Variants in CHODL observed in about 807,000 individuals in gnomAD.
CHODL encodes the protein chondrolectin, also known as transmembrane protein MT75.
CHODL carries 29 observed loss-of-function variants against 34.5 expected under a neutral mutation model. That is an observed-to-expected ratio of 0.84 (90% CI 0.63 to 1.15). CHODL has a LOEUF of 1.15. Among genes scored for constraint, CHODL ranks in the 50% most tolerant of loss-of-function variants. The probability of loss-of-function intolerance (pLI) is 0.00; values close to 1 mark genes in which losing one functional copy is unlikely to be tolerated. For missense variants in CHODL, 332 were observed against 332.5 expected (o/e 1.00, Z 0.01); for synonymous variants, 125 against 116.1 (o/e 1.08, Z -0.49).
chr21:18,202,338 T>C (rs990903202), intron 2 of CHODL, among the ~76,000 whole-genome samples: 1 of 152,176 alleles, frequency 6.6e-6, no homozygotes, highest in East Asian at 1.9e-4. Flanking sequence ...TAGTGTGCTG[T>C]ATTTGGAGTA....
intron 1 of CHODL, among the ~76,000 whole-genome samples, chr21:17,983,215 A>G (rs985488747): frequency 6.6e-6 from 1 of 152,186 alleles, no homozygotes; most frequent in Non-Finnish European, 1.5e-5. Flanking sequence ...CATAAAATCA[A>G]TATTAAATTT....
intron 2 of CHODL, among the ~76,000 whole-genome samples, chr21:18,085,612 G>A (rs1005661382): frequency 1.3e-5 from 2 of 152,016 alleles, no homozygotes; most frequent in African/African-American, 4.8e-5. Context: ...CATTTATGAA[G>A]CTTTATTTGG....
At chr21:17,964,588 G>A (rs1342353888) in intron 1 of CHODL, among the ~76,000 whole-genome samples, 1 of 152,132 alleles carries the variant, frequency 6.6e-6, no homozygotes, top group African/African-American at 2.4e-5. Context: ...TTCAGTATTT[G>A]TTTTAGAAAG....
intron 1 of CHODL, among the ~76,000 whole-genome samples, chr21:17,946,044 T>C (rs2146336342): frequency 6.6e-6 from 1 of 152,240 alleles, no homozygotes; most frequent in African/African-American, 2.4e-5. Flanking sequence ...GCAAGGTTGT[T>C]GAATTCAAGT....
intron 1 of CHODL, among the ~76,000 whole-genome samples, chr21:17,969,330 A>G (rs2063596322): frequency 6.6e-6 from 1 of 152,226 alleles, no homozygotes; most frequent in African/African-American, 2.4e-5. Flanking sequence ...TTTTTGACAC[A>G]AGGAGGGAAT....
intron 2 of CHODL, among the ~76,000 whole-genome samples, chr21:18,138,671 T>C (rs1300898699): frequency 3.3e-5 from 5 of 152,204 alleles, no homozygotes; most frequent in African/African-American, 1.2e-4. Context: ...GGTCAGCATT[T>C]TTGTTCCTGC....
At chr21:17,953,204 T>C (rs1407861750) in intron 1 of CHODL, among the ~76,000 whole-genome samples, 1 of 152,226 alleles carries the variant, frequency 6.6e-6, no homozygotes, top group African/African-American at 2.4e-5. Context: ...GTAAATAATA[T>C]TCACTAAGTA....
chr21:18,243,744 A>T (rs1384677365), upstream of CHODL, among the ~76,000 whole-genome samples: 1 of 152,094 alleles, frequency 6.6e-6, no homozygotes, highest in East Asian at 1.9e-4. Flanking sequence ...AAAATTTCTG[A>T]TTCTGGAAGA....
At chr21:18,016,643 C>A (rs1353694449) in intron 1 of CHODL, among the ~76,000 whole-genome samples, 3 of 152,172 alleles carry the variant, frequency 2.0e-5, no homozygotes. Flanking sequence ...TTCACTGGGA[C>A]ACTGCCTAGT....
intron 2 of CHODL, among the ~76,000 whole-genome samples, chr21:18,190,977 C>T (rs2073504104): frequency 6.6e-6 from 1 of 152,130 alleles, no homozygotes; most frequent in Non-Finnish European, 1.5e-5. Flanking sequence ...TACATCAGTA[C>T]AAATGGTAGG....
At chr21:17,917,876 C>T (rs908410858) in intron 1 of CHODL, among the ~76,000 whole-genome samples, 10 of 150,824 alleles carry the variant, frequency 6.6e-5, no homozygotes, top group Middle Eastern at 3.4e-3. Context: ...CTCTGATATG[C>T]GTGTGTGTGT....
chr21:17,940,844 T>C (rs569081817), intron 1 of CHODL, among the ~76,000 whole-genome samples: 112 of 152,318 alleles, frequency 7.4e-4, no homozygotes, highest in Non-Finnish European at 1.3e-3. Context: ...CACTGTCAGA[T>C]TCTTGAAACT....
chr21:18,135,328 C>T (rs940347460), intron 2 of CHODL, among the ~76,000 whole-genome samples: 4 of 152,058 alleles, frequency 2.6e-5, no homozygotes, highest in Non-Finnish European at 5.9e-5. Context: ...TTCAGGTTCC[C>T]TACTATGAGT....
At chr21:17,942,842 C>A (rs573164783) in intron 1 of CHODL, among the ~76,000 whole-genome samples, 2 of 152,088 alleles carry the variant, frequency 1.3e-5, no homozygotes, top group Non-Finnish European at 2.9e-5. Flanking sequence ...AGGAGGGACC[C>A]GGTAGAAGGT....
chr21:18,163,494 C>A lies in CHODL; in HGVS notation c.-44-93015C>A, dbSNP rs894623066. ...ACAGTTCTCATATTTGACAGGGAAG[C>A]TCTTTTTGTTTTGAGGAAGATATAG... On this transcript the variant is annotated intron_variant, in intron 2 of 6. Transcript: ENST00000400127. 2.6e-5 allele frequency among the ~76,000 whole-genome samples: 4 copies of A among 152,158 alleles called. No individual in the cohort carries two copies. The East Asian group carries it at 7.7e-4, about 29-fold the overall frequency.
intron 1 of CHODL, among the ~76,000 whole-genome samples, chr21:17,938,393 G>GATATAT (rs57915061): frequency 7.7e-5 from 11 of 143,662 alleles, no homozygotes; most frequent in Non-Finnish European, 1.2e-4. Flanking sequence ...CATATATATA[G>GATATAT]ATATATATAT....
In CHODL at chr21:18,193,696, A is replaced by AG. The variant is rs1405318317; in HGVS notation, c.-44-62812dup. Reference sequence around the variant, plus strand: ...GGGCAACAGAGCAAGACTCTGTCTCAGAAAAAAAAAAAAATAAAATAAATA... The same window carrying AG: ...GGGCAACAGAGCAAGACTCTGTCTCAGGAAAAAAAAAAAAATAAAATAAATA... On this transcript the variant is annotated intron_variant, in intron 2 of 6. Coordinates refer to the CHODL transcript ENST00000400127. Among the ~76,000 whole-genome samples, 567 of 140,184 alleles carry AG rather than the reference A, an allele frequency of 4.0e-3. 5 individuals carry two copies. The highest frequency in any genetic ancestry group is 0.016 in the African/African-American group (541 of 34,444). The allele number at this position is 140,184 out of a possible 152,430, so 92.0% of individuals were successfully genotyped here.
chr21:18,044,863 A>G (rs995325836), intron 2 of CHODL, among the ~76,000 whole-genome samples: 10 of 151,880 alleles, frequency 6.6e-5, no homozygotes, highest in Non-Finnish European at 1.5e-4. Flanking sequence ...TAATTTATGT[A>G]TTCAATAAAT....
chr21:18,040,898 A>G (rs150313608), intron 2 of CHODL, among the ~76,000 whole-genome samples: 18 of 151,864 alleles, frequency 1.2e-4, no homozygotes, highest in Non-Finnish European at 2.4e-4. Context: ...CCTTGATTGT[A>G]TTGGTAATAA....
Sources: gnomAD v4.1 joint callset for allele counts (sites outside exome capture counted in the v4.1 genomes callset) on GRCh38, gnomAD v4.1.1 for gene constraint, MANE v1.5 for transcripts, NCBI Gene and HGNC (gene_info 2026-07-23, HGNC 2026-07-21) for gene names.